The following EDEM1 variants were observed in gnomAD, a reference collection of about 807,000 sequenced individuals.
EDEM1 encodes the protein ER degradation-enhancing alpha-mannosidase-like protein 1.
In EDEM1, 67 loss-of-function variants were observed where a neutral mutation model predicts 74.4. The observed-to-expected ratio is 0.90, with a 90% confidence interval of 0.74 to 1.10. The LOEUF is 1.10. Ranked by LOEUF, EDEM1 falls within the 50% of genes least tolerant of loss-of-function variation. EDEM1 has a pLI of 0.00. For missense variants in EDEM1, 926 were observed against 851.6 expected, an observed-to-expected ratio of 1.09 and a Z score of -1.09; for synonymous variants, 382 against 335.9, an observed-to-expected ratio of 1.14 and a Z score of -1.50.
chr3:5,188,348 C>A, intron 1 of EDEM1, 34 bp downstream of exon 1: 1 of 1,382,896 alleles, frequency 7.2e-7, no homozygotes, highest in South Asian at 1.7e-5. Context: ...GCCGCGCGCC[C>A]ACGCGCTTCC....
At chr3:5,188,941 A>G (rs1218117471) in intron 1 of EDEM1, among the ~76,000 whole-genome samples, 1 of 152,186 alleles carries the variant, frequency 6.6e-6, no homozygotes, top group Non-Finnish European at 1.5e-5. Flanking sequence ...GGGTCCAGAT[A>G]CTTGAGGTGA....
rs959491664 is a variant in EDEM1, at chr3:5,217,521, T to C, written c.*1603T>C. 1 of 152,654 alleles carries C rather than the reference T, an allele frequency of 6.6e-6. No homozygotes were observed. The highest frequency in any genetic ancestry group is 2.4e-5 in the African/African-American group (1 of 41,468). 9.5% of individuals were successfully genotyped at this position (152,654 alleles called of 1,614,324 possible). ...CAAAAGGGAGAAATCTTATTCCTTC[T>C]TGAAAATTTTAAGTGTTATGGTTTT... On this transcript the variant is annotated 3_prime_UTR_variant, in exon 12 of 12. Coordinates refer to ENST00000256497, the MANE Select transcript of EDEM1 (RefSeq NM_014674.3).
At chr3:5,188,348 C>T (rs1298261335) in intron 1 of EDEM1, 34 bp downstream of exon 1, 8 of 1,382,788 alleles carry the variant, frequency 5.8e-6, no homozygotes, top group Non-Finnish European at 6.6e-6. Context: ...GCCGCGCGCC[C>T]ACGCGCTTCC....
chr3:5,199,770 G>A, intron 3 of EDEM1, 75 bp downstream of exon 3: 2 of 1,278,644 alleles, frequency 1.6e-6, no homozygotes, highest in Non-Finnish European at 2.2e-6. Flanking sequence ...ACCTTTGAGG[G>A]TCTTTTTGCC....
At chr3:5,209,644 G>C (rs2055143983) in intron 8 of EDEM1, among the ~76,000 whole-genome samples, 1 of 152,186 alleles carries the variant, frequency 6.6e-6, no homozygotes, top group Non-Finnish European at 1.5e-5. Context: ...CCATCTAAGA[G>C]TATGTGTGAG....
Position 5,205,077 on chromosome 3 carries a change from G to A in EDEM1, c.1053G>A (p.Val351=), listed in dbSNP as rs567245691. 8 of 1,613,984 alleles carry A rather than the reference G, an allele frequency of 5.0e-6. No individual in the cohort carries two copies. The Admixed American group carries it at 8.3e-5, about 17-fold the overall frequency. ...SNDTGLLGNV[V]NIQTGHWVGK... The stretch of plus-strand genomic sequence containing the variant: ...TGTTTATTTTTGCAGGCAATGTCGT[G>A]AACATTCAGACGGGCCACTGGGTTG... Residue 351 remains valine, a synonymous_variant, in exon 6 of 12, where the codon GTG becomes GTA. Coordinates refer to ENST00000256497, the MANE Select transcript of EDEM1 (RefSeq NM_014674.3).
At position 5,188,220 on chromosome 3, in the gene EDEM1, G is replaced by A; in HGVS notation, c.415G>A (p.Val139Ile). The A allele has an allele frequency of 1.3e-6, 2 of 1,583,890 alleles. No homozygotes were observed. Among genetic ancestry groups the A allele is most frequent in the Non-Finnish European group, 8.6e-7 (1 of 1,167,258 alleles). The change falls in exon 1 of 12, where the codon GTC becomes ATC. Residue 139 changes from valine (V) to isoleucine (I), a missense_variant. Coordinates refer to ENST00000256497, the MANE Select transcript of EDEM1 (RefSeq NM_014674.3). ...QMRDLARGMF[V>I]FGYDNYMAHA... ...GCGCGACCTGGCACGGGGCATGTTC[G>A]TCTTTGGCTACGACAACTACATGGC...
intron 11 of EDEM1, among the ~76,000 whole-genome samples, chr3:5,214,044 G>T (rs936190399): frequency 6.6e-6 from 1 of 152,186 alleles, no homozygotes; most frequent in African/African-American, 2.4e-5. Flanking sequence ...TGATGGTCAC[G>T]ATGGTCCCAA....
At position 5,219,225 on chromosome 3, in the gene EDEM1, G is replaced by A. The variant is rs2055281688; in HGVS notation, c.*3307G>A. ...GACATTCCTTTCTGCTTTCTGGAGG[G>A]CACCAGGGGCCTTTCTCTTTGATAA... On this transcript the variant is annotated 3_prime_UTR_variant, in exon 12 of 12. Transcript: ENST00000256497. The A allele has an allele frequency of 2.0e-5, 3 of 152,164 alleles. No homozygotes were observed. Among genetic ancestry groups the A allele is most frequent in the South Asian group, 4.1e-4 (2 of 4,826 alleles). The allele number at this position is 152,164 out of a possible 1,614,324, so 9.4% of individuals were successfully genotyped here.
chr3:5,188,518 T>A (rs1389730381), intron 1 of EDEM1: 7 of 454,752 alleles, frequency 1.5e-5, no homozygotes. Flanking sequence ...GGCCTTCCTC[T>A]CCTGATTCTC....
At chr3:5,204,464 C>G (rs2055071596) in intron 5 of EDEM1, among the ~76,000 whole-genome samples, 1 of 151,996 alleles carries the variant, frequency 6.6e-6, no homozygotes, top group East Asian at 1.9e-4. Flanking sequence ...ACCTCTTCCT[C>G]CCAGGCTCAA....
At chr3:5,189,845 C>T (rs543719233) in intron 1 of EDEM1, among the ~76,000 whole-genome samples, 8 of 152,348 alleles carry the variant, frequency 5.3e-5, no homozygotes, top group Admixed American at 5.2e-4. Context: ...GTGATCCACC[C>T]GCCTGGGCCT....
rs1339782389 is a variant in EDEM1, at chr3:5,219,556, G to A, written c.*3638G>A. Reference sequence around the variant, plus strand: ...AATCTGGTAAAAATATCAAGTACCTGTGGAACTCCCTGATTCTATACCCTC... The same window carrying A: ...AATCTGGTAAAAATATCAAGTACCTATGGAACTCCCTGATTCTATACCCTC... On this transcript the variant is annotated 3_prime_UTR_variant, in exon 12 of 12. Transcript: ENST00000256497. 1 of 152,214 alleles carries A rather than the reference G, an allele frequency of 6.6e-6. No homozygotes were observed. Among genetic ancestry groups the A allele is most frequent in the Non-Finnish European group, 1.5e-5 (1 of 68,044 alleles). 9.4% of individuals were successfully genotyped at this position (152,214 alleles called of 1,614,324 possible).
chr3:5,210,399 A>G (rs531352986), intron 9 of EDEM1, 151 bp downstream of exon 9: 1 of 736,368 alleles, frequency 1.4e-6, no homozygotes, highest in East Asian at 2.7e-5. Flanking sequence ...TTGGTGTAGT[A>G]GAACCTTTCC....
At chr3:5,195,889 C>T (rs890090838) in intron 2 of EDEM1, among the ~76,000 whole-genome samples, 1 of 152,246 alleles carries the variant, frequency 6.6e-6, no homozygotes, top group African/African-American at 2.4e-5. Context: ...ACCTTGAAGG[C>T]AGTGTGGCAC....
chr3:5,207,883 G>C (rs1258484676), intron 7 of EDEM1, among the ~76,000 whole-genome samples: 1 of 152,132 alleles, frequency 6.6e-6, no homozygotes, highest in Non-Finnish European at 1.5e-5. Flanking sequence ...CTTTTTCTGT[G>C]TGCAGCTCAC....
Position 5,201,876 on chromosome 3 carries a change from G to A in EDEM1, c.810G>A (p.Arg270=), listed in dbSNP as rs1482505215. Residue 270 remains arginine, a synonymous_variant, in exon 4 of 12, where the codon CGG becomes CGA. Coordinates refer to ENST00000256497, the MANE Select transcript of EDEM1 (RefSeq NM_014674.3). ...LLYMAHDLAV[R]LLPAFENTKT... Reference sequence around the variant, plus strand: ...ACATGGCCCATGACCTGGCGGTGCGGCTCCTCCCTGCTTTTGAAAACACCA... The same window carrying A: ...ACATGGCCCATGACCTGGCGGTGCGACTCCTCCCTGCTTTTGAAAACACCA... 1 of 1,613,980 alleles carries A rather than the reference G, an allele frequency of 6.2e-7. No individual in the cohort carries two copies. Among genetic ancestry groups the A allele is most frequent in the East Asian group, 2.2e-5 (1 of 44,892 alleles).
chr3:5,213,588 T>A, intron 11 of EDEM1, 66 bp downstream of exon 11: 2 of 1,447,966 alleles, frequency 1.4e-6, no homozygotes, highest in Non-Finnish European at 1.9e-6. Flanking sequence ...ATTGCTTAGT[T>A]GTTCAGACTT....
chr3:5,201,818 T>A lies in EDEM1; in HGVS notation c.752T>A (p.Met251Lys). 1.2e-6 allele frequency: 2 copies of A among 1,614,184 alleles called. No individual in the cohort carries two copies. The highest frequency in any genetic ancestry group is 2.2e-5 in the East Asian group (1 of 44,882). ...GACTCCAAGCAGCCCTTTGGTGACA[T>A]GACAATTAAGGACTATGATAATGAG... ...ITDSKQPFGDMTIKDYDNELL... is the reference protein window; with the variant it reads ...ITDSKQPFGDKTIKDYDNELL... The change falls in exon 4 of 12, where the codon ATG becomes AAG. Residue 251 changes from methionine (M) to lysine (K), a missense_variant. By Grantham distance (95) the Met-to-Lys change is moderately conservative. Transcript: ENST00000256497.
Sources: allele counts gnomAD v4.1 joint callset (sites outside exome capture counted in the v4.1 genomes callset), GRCh38; gene constraint gnomAD v4.1.1; transcripts MANE v1.5; gene names NCBI Gene and HGNC (gene_info 2026-07-23, HGNC 2026-07-21).